IGLON5: variants seen among roughly 807,000 people sequenced by gnomAD.
IGLON5 encodes Ig-like domain-containing protein ENSP00000270642.
In IGLON5, 16 loss-of-function variants were observed where a neutral mutation model predicts 38.2. That is an observed-to-expected ratio of 0.42 (90% CI 0.28 to 0.64). The LOEUF (loss-of-function observed/expected upper bound fraction) is 0.64, where lower values mean the gene tolerates loss of function less well. Ranked by LOEUF, IGLON5 falls within the 30% of genes least tolerant of loss-of-function variation. The pLI is 0.23. For missense variants in IGLON5, 366 were observed against 483.4 expected, an observed-to-expected ratio of 0.76 and a Z score of 2.28; for synonymous variants, 207 against 216.4, an observed-to-expected ratio of 0.96 and a Z score of 0.38.
chr19:51,316,525 G>A (rs1294083373), intron 1 of IGLON5, among the ~76,000 whole-genome samples: 2 of 137,102 alleles, frequency 1.5e-5, no homozygotes, highest in African/African-American at 2.7e-5. Context: ...ACGGAGTCTC[G>A]CTGTGTCACC....
chr19:51,318,705 AG>A (rs1279007375), intron 1 of IGLON5, among the ~76,000 whole-genome samples: 1 of 148,452 alleles, frequency 6.7e-6, no homozygotes, highest in Non-Finnish European at 1.5e-5. Flanking sequence ...ACTGCATTCC[AG>A]TCTGGGCAAC....
intron 1 of IGLON5, among the ~76,000 whole-genome samples, chr19:51,312,747 CCCCGG>C (rs897623207): frequency 5.3e-5 from 8 of 151,978 alleles, no homozygotes; most frequent in Non-Finnish European, 1.2e-4. Flanking sequence ...GAAGGGTTAA[CCCCGG>C]CCCGGCCCGG....
Position 51,327,128 on chromosome 19 carries a change from G to A in IGLON5, c.695G>A (p.Arg232Gln). ...DVTSARTALG[R>Q]AALLRCEAMA... ...ACCAGCGCCCGCACCGCGCTGGGCC[G>A]GGCCGCCCTCCTGCGCTGCGAAGCC... is the stretch of plus-strand genomic sequence containing the variant. Residue 232 changes from arginine (R) to glutamine (Q), a missense_variant, in exon 6 of 8, where the codon CGG (arginine) becomes CAG (glutamine). Arg to Gln is a conservative substitution (Grantham distance 43, BLOSUM62 1). Coordinates refer to ENST00000270642, the MANE Select transcript of IGLON5 (RefSeq NM_001101372.3). The surrounding 1 kb of genome is among the most constrained non-coding windows in gnomAD (Gnocchi z 7.1). 6.2e-7 allele frequency: 1 copy of A among 1,611,874 alleles called. No homozygotes were observed. The highest frequency in any genetic ancestry group is 8.5e-7 in the Non-Finnish European group (1 of 1,179,514).
chr19:51,320,800 C>G (rs1985036157), intron 1 of IGLON5, among the ~76,000 whole-genome samples: 1 of 152,142 alleles, frequency 6.6e-6, no homozygotes, highest in African/African-American at 2.4e-5. Flanking sequence ...TATGTGTTAT[C>G]TACATGCATC....
intron 1 of IGLON5, among the ~76,000 whole-genome samples, chr19:51,320,396 C>T (rs1441597110): frequency 3.3e-5 from 5 of 152,316 alleles, no homozygotes; most frequent in East Asian, 1.9e-4. Context: ...GGCAGCCCCG[C>T]GCAGGCCCCT....
chr19:51,317,794 G>A (rs540418094), intron 1 of IGLON5, among the ~76,000 whole-genome samples: 60 of 152,264 alleles, frequency 3.9e-4, no homozygotes, highest in Non-Finnish European at 7.2e-4. Context: ...ATATTCTCAC[G>A]GAATCCCTCA....
In IGLON5 at chr19:51,327,742, G is replaced by T. The variant is rs1325508011; in HGVS notation, c.778G>T (p.Gly260Cys). The T allele has an allele frequency of 1.9e-6, 3 of 1,574,108 alleles. No homozygotes were observed. Among genetic ancestry groups the T allele is most frequent in the African/African-American group, 1.4e-5 (1 of 73,960 alleles). ...WYKDDRLLSS[G>C]TAEGLKVQTE... is the part of the protein sequence containing the mutation. ...CCGGATCCCTGGCAGGCTGAGCAGC[G>T]GCACGGCCGAAGGCCTGAAGGTGCA... The change falls in exon 7 of 8, where the codon GGC (glycine) becomes TGC (cysteine). Residue 260 changes from glycine to cysteine, a missense_variant. By Grantham distance (159) the Gly-to-Cys change is radical. Transcript: ENST00000270642. This position sits in a 1 kb window ranked among gnomAD's most constrained non-coding sequence, Gnocchi z 7.1.
In IGLON5 at chr19:51,330,486, A is replaced by C. The variant is rs538954873; in HGVS notation, c.*1727A>C. 1 of 152,348 alleles carries C rather than the reference A, an allele frequency of 6.6e-6. No individual in the cohort carries two copies. The highest frequency in any genetic ancestry group is 2.1e-4 in the South Asian group (1 of 4,832). 9.4% of individuals were successfully genotyped at this position (152,348 alleles called of 1,614,324 possible). A position where few individuals can be genotyped will look rare whatever the true frequency, so the allele number is the denominator to read the frequency against. ...TCACTGGTAGACTTGGAATGGACTC[A>C]TTACAGAGATGCCCTGTGATTGGCC... is the stretch of plus-strand genomic sequence containing the variant. On this transcript the variant is annotated 3_prime_UTR_variant, in exon 8 of 8. Coordinates refer to ENST00000270642, the MANE Select transcript of IGLON5 (RefSeq NM_001101372.3).
intron 1 of IGLON5, among the ~76,000 whole-genome samples, chr19:51,321,430 C>T (rs1460327543): frequency 2.0e-5 from 3 of 152,134 alleles, no homozygotes; most frequent in African/African-American, 7.2e-5. Flanking sequence ...CCTCCCACCT[C>T]GGCCTCCCAA....
Position 51,328,988 on chromosome 19 carries a change from G to A in IGLON5, c.*229G>A, listed in dbSNP as rs1424056032. On this transcript the variant is annotated 3_prime_UTR_variant, in exon 8 of 8. Transcript: ENST00000270642. ...CTTTCTACAGCCATTCTCGCCACCC[G>A]TTCACGTTTCCGATTGTGACCCACT... The A allele has an allele frequency of 1.9e-5, 9 of 465,140 alleles. No individual in the cohort carries two copies. The highest frequency in any genetic ancestry group is 1.0e-4 in the African/African-American group (5 of 49,322). 28.8% of individuals were successfully genotyped at this position (465,140 alleles called of 1,614,324 possible). A position where few individuals can be genotyped will look rare whatever the true frequency, so the allele number is the denominator to read the frequency against.
intron 1 of IGLON5, 57 bp from the exon 2 acceptor site, chr19:51,322,007 T>C: frequency 7.1e-7 from 1 of 1,404,304 alleles, no homozygotes. Context: ...GTGCAGGTGC[T>C]ACCATGCCCG....
chr19:51,326,222 T>G (rs1985213057), intron 4 of IGLON5, among the ~76,000 whole-genome samples: 1 of 152,122 alleles, frequency 6.6e-6, no homozygotes, highest in South Asian at 2.1e-4. Flanking sequence ...CTGAGCCCCA[T>G]GAGCCTGGTC....
rs1191894107 is a variant in IGLON5 at position 51,328,770 on chromosome 19, G to C, written c.*11G>C. 1.3e-6 allele frequency: 2 copies of C among 1,582,446 alleles called. No homozygotes were observed. Among genetic ancestry groups the C allele is most frequent in the Middle Eastern group, 2.1e-4 (1 of 4,872 alleles). ...TGGTGGAGAATGTAGGCGCAACCCA[G>C]TGGAGCTCACCTCCCCCTGCAGGGG... is the stretch of plus-strand genomic sequence containing the variant. On this transcript the variant is annotated 3_prime_UTR_variant, in exon 8 of 8. Transcript: ENST00000270642.
chr19:51,319,621 G>A lies in IGLON5; in HGVS notation c.80-2443G>A, dbSNP rs186732595. The stretch of plus-strand genomic sequence containing the variant: ...CTTTGCAGCCATGTGTGGGGCTGTT[G>A]ATGTCGATGGAACCATGTGGGAACT... On this transcript the variant is annotated intron_variant, in intron 1 of 7. Coordinates refer to ENST00000270642, the MANE Select transcript of IGLON5 (RefSeq NM_001101372.3). 2.5e-3 allele frequency among the ~76,000 whole-genome samples: 376 copies of A among 152,284 alleles called. 1 individual carries two copies. The highest frequency in any genetic ancestry group is 8.8e-3 in the African/African-American group (365 of 41,532).
chr19:51,313,906 T>A (rs140293833), intron 1 of IGLON5, among the ~76,000 whole-genome samples: 1,529 of 151,802 alleles, frequency 0.01, 15 homozygotes, highest in Non-Finnish European at 0.016. Context: ...TTTTTTTTCT[T>A]TGTAGAGATG....
At chr19:51,322,171 A>C (rs756013970) in intron 2 of IGLON5, 29 bp downstream of exon 2, 4 of 1,560,486 alleles carry the variant, frequency 2.6e-6, no homozygotes, top group Non-Finnish European at 3.5e-6. Flanking sequence ...GGGGACTCAG[A>C]TCTCATGGAG....
At chr19:51,320,816 T>C (rs1356779760) in intron 1 of IGLON5, among the ~76,000 whole-genome samples, 1 of 152,172 alleles carries the variant, frequency 6.6e-6, no homozygotes, top group Non-Finnish European at 1.5e-5. Flanking sequence ...GCATCTGGTT[T>C]TATGTGTATG....
Position 51,327,462 on chromosome 19 carries a change from C to T in IGLON5, c.767+262C>T, listed in dbSNP as rs1985246500. 6.6e-6 allele frequency among the ~76,000 whole-genome samples: 1 copy of T among 152,064 alleles called. No individual in the cohort carries two copies. Among genetic ancestry groups the T allele is most frequent in the African/African-American group, 2.4e-5 (1 of 41,392 alleles). On this transcript the variant is annotated intron_variant, in intron 6 of 7. Coordinates refer to ENST00000270642, the MANE Select transcript of IGLON5 (RefSeq NM_001101372.3). This position sits in a 1 kb window ranked among gnomAD's most constrained non-coding sequence, Gnocchi z 7.1. The stretch of plus-strand genomic sequence containing the variant: ...TCGGGGGTCAATGCTGAGGATCTGT[C>T]GGGCAAGATTTAGGGGACCAGCAGA...
chr19:51,321,911 G>A (rs764531007), intron 1 of IGLON5, among the ~76,000 whole-genome samples, 153 bp from the exon 2 acceptor site: 1 of 152,212 alleles, frequency 6.6e-6, no homozygotes, highest in Non-Finnish European at 1.5e-5. Flanking sequence ...GTGTCCGCAA[G>A]GACGTGTGTG....
Sources: gnomAD v4.1 joint callset for allele counts (sites outside exome capture counted in the v4.1 genomes callset) on GRCh38, gnomAD v4.1.1 for gene constraint, Gnocchi (gnomAD v3.1) non-coding constraint, MANE v1.5 for transcripts, NCBI Gene and HGNC (gene_info 2026-07-23, HGNC 2026-07-21) for gene names.